TCERG1L: variants seen among roughly 807,000 people sequenced by gnomAD.
TCERG1L encodes transcription elongation regulator 1-like protein.
TCERG1L carries 37 observed loss-of-function variants against 56.3 expected under a neutral mutation model. The observed-to-expected ratio is 0.66, with a 90% CI of 0.51 to 0.87. TCERG1L has a LOEUF of 0.87. Ranked by LOEUF, TCERG1L falls within the 40% of genes least tolerant of loss-of-function variation. The pLI is 0.00. For missense variants in TCERG1L, 799 were observed against 774.2 expected (o/e 1.03, Z -0.38); for synonymous variants, 324 against 326.3 (o/e 0.99, Z 0.08).
At chr10:131,135,120 G>C (rs549386421) in intron 7 of TCERG1L, among the ~76,000 whole-genome samples, 2 of 152,216 alleles carry the variant, frequency 1.3e-5, no homozygotes, top group Non-Finnish European at 2.9e-5. Context: ...AAAGATAAGC[G>C]TGCAGATGGT....
chr10:131,226,112 A>G (rs572291261), intron 4 of TCERG1L, among the ~76,000 whole-genome samples: 9 of 152,052 alleles, frequency 5.9e-5, no homozygotes, highest in Admixed American at 4.6e-4. Context: ...TAATTTTTAA[A>G]TAGTTTCTTT....
rs865813691 is a variant in TCERG1L at position 131,118,076 on chromosome 10, G to A, written c.1260-1142C>T. Among the ~76,000 whole-genome samples the A allele has an allele frequency of 4.6e-5, 7 of 152,110 alleles. No homozygotes were observed. The highest frequency in any genetic ancestry group is 4.2e-4 in the South Asian group (2 of 4,808). ...CTCACTCTGACCATGCTGAGCCCTC[G>A]TGGGCCTGCTCCCTGGCCTGGCCCT... is the stretch of plus-strand genomic sequence containing the variant. On this transcript the variant is annotated intron_variant, in intron 8 of 11. Coordinates refer to ENST00000368642, the MANE Select transcript of TCERG1L (RefSeq NM_174937.4). This position sits in a 1 kb window ranked among gnomAD's most constrained non-coding sequence, Gnocchi z 4.2.
chr10:131,170,218 C>T (rs1277212655), intron 4 of TCERG1L, among the ~76,000 whole-genome samples: 1 of 152,124 alleles, frequency 6.6e-6, no homozygotes, highest in Admixed American at 6.5e-5. Context: ...TCAGCCATTC[C>T]ACCGTGGAAG....
At position 131,107,422 on chromosome 10, in the gene TCERG1L, G is replaced by T. The variant is rs373152587; in HGVS notation, c.1396-3068C>A. On this transcript the variant is annotated intron_variant, in intron 9 of 11. Transcript: ENST00000368642. ...AGGTCAGATAAGCCATCTCTACAAT[G>T]ATTACAACTCATAATGATAAAACCA... Among the ~76,000 whole-genome samples the T allele has an allele frequency of 1.6e-4, 24 of 152,316 alleles. 2 individuals carry two copies. In the East Asian group the frequency reaches 3.1e-3, roughly 20 times the overall value.
intron 8 of TCERG1L, among the ~76,000 whole-genome samples, chr10:131,131,209 C>T (rs761542843): frequency 4.6e-5 from 7 of 152,126 alleles, no homozygotes; most frequent in East Asian, 3.9e-4. Flanking sequence ...TGGGAGAAGG[C>T]GGGAGGCAAC....
chr10:131,105,563 A>G (rs1278050745), intron 9 of TCERG1L, among the ~76,000 whole-genome samples: 1 of 151,920 alleles, frequency 6.6e-6, no homozygotes, highest in Non-Finnish European at 1.5e-5. Context: ...TGACTGGGAA[A>G]TGTTCTGGAG....
chr10:131,266,543 T>G (rs1418433127), intron 3 of TCERG1L, among the ~76,000 whole-genome samples: 1 of 152,074 alleles, frequency 6.6e-6, no homozygotes, highest in Non-Finnish European at 1.5e-5. Context: ...ACTTCTTGAG[T>G]CCAGAAAGAA....
Position 131,306,261 on chromosome 10 carries a change from A to C in TCERG1L, c.670+1950T>G, listed in dbSNP as rs1846817500. Reference sequence around the variant, plus strand: ...GTTGGGTAAATTCAAAGAATTCTGAAATTTATCAAAAAAGTAAAGTTTTCA... The same window carrying C: ...GTTGGGTAAATTCAAAGAATTCTGACATTTATCAAAAAAGTAAAGTTTTCA... On this transcript the variant is annotated intron_variant, in intron 3 of 11. Transcript: ENST00000368642. Among the ~76,000 whole-genome samples the C allele has an allele frequency of 3.3e-5, 5 of 152,164 alleles. No individual in the cohort carries two copies. The South Asian group carries it at 1.0e-3, about 31-fold the overall frequency.
intron 4 of TCERG1L, among the ~76,000 whole-genome samples, chr10:131,177,755 T>C (rs1045308801): frequency 6.6e-6 from 1 of 152,106 alleles, no homozygotes; most frequent in Non-Finnish European, 1.5e-5. Context: ...AGATGTCAGC[T>C]AAGGTCACGG....
At chr10:131,182,967 G>A (rs1351803245) in intron 4 of TCERG1L, among the ~76,000 whole-genome samples, 3 of 152,160 alleles carry the variant, frequency 2.0e-5, no homozygotes, top group Non-Finnish European at 4.4e-5. Flanking sequence ...CTGGTTGTGC[G>A]CTAAAGGATA....
intron 7 of TCERG1L, among the ~76,000 whole-genome samples, chr10:131,143,733 C>A (rs544143746): frequency 2.0e-5 from 3 of 152,232 alleles, no homozygotes; most frequent in East Asian, 3.9e-4. Flanking sequence ...TGGTAAGATC[C>A]CCGAGAACCG....
At chr10:131,262,741 G>A (rs1846247209) in intron 3 of TCERG1L, among the ~76,000 whole-genome samples, 1 of 152,074 alleles carries the variant, frequency 6.6e-6, no homozygotes, top group Non-Finnish European at 1.5e-5. Context: ...ATCATACAGA[G>A]CATTTTCACA....
At chr10:131,099,853 C>T (rs989006023) in intron 10 of TCERG1L, among the ~76,000 whole-genome samples, 1 of 151,932 alleles carries the variant, frequency 6.6e-6, no homozygotes, top group African/African-American at 2.4e-5. Flanking sequence ...ATATGATTGG[C>T]TTCTTTTTTC....
At chr10:131,126,462 G>T (rs1262076321) in intron 8 of TCERG1L, among the ~76,000 whole-genome samples, 2 of 152,156 alleles carry the variant, frequency 1.3e-5, no homozygotes, top group Non-Finnish European at 2.9e-5. Flanking sequence ...TGGTGGCCTC[G>T]TTCTGGCTGG....
chr10:131,265,063 C>T (rs886177931), intron 3 of TCERG1L, among the ~76,000 whole-genome samples: 1 of 152,210 alleles, frequency 6.6e-6, no homozygotes, highest in Admixed American at 6.5e-5. Context: ...GAGAAGCCAC[C>T]GAGTCCATTT....
intron 4 of TCERG1L, among the ~76,000 whole-genome samples, chr10:131,259,088 C>T (rs1321046326): frequency 5.3e-5 from 8 of 152,062 alleles, no homozygotes; most frequent in Admixed American, 3.3e-4. Flanking sequence ...ATACAATATC[C>T]GACTTATCAA....
chr10:131,290,719 T>G (rs890917386), intron 3 of TCERG1L, among the ~76,000 whole-genome samples: 13 of 152,198 alleles, frequency 8.5e-5, no homozygotes, highest in South Asian at 6.2e-4. Context: ...AAGTATGATT[T>G]TATTCATGAC....
At chr10:131,290,790 G>GCATTA (rs1554900041) in intron 3 of TCERG1L, among the ~76,000 whole-genome samples, 4 of 151,658 alleles carry the variant, frequency 2.6e-5, no homozygotes, top group Non-Finnish European at 2.9e-5. Flanking sequence ...TTACCACATT[G>GCATTA]GAGGTTTTAT....
chr10:131,102,869 A>T (rs543684045), intron 10 of TCERG1L, among the ~76,000 whole-genome samples: 1 of 152,132 alleles, frequency 6.6e-6, no homozygotes, highest in South Asian at 2.1e-4. Context: ...TCCCAGCAAC[A>T]ACAGGCCCCT....
Sources: allele counts gnomAD v4.1 joint callset (sites outside exome capture counted in the v4.1 genomes callset), GRCh38; gene constraint gnomAD v4.1.1; non-coding constraint Gnocchi (gnomAD v3.1); transcripts MANE v1.5; gene names NCBI Gene and HGNC (gene_info 2026-07-23, HGNC 2026-07-21).